Variants in COPB1 observed in about 807,000 individuals in gnomAD.
COPB1 encodes the protein coatomer subunit beta.
COPB1 carries 21 observed loss-of-function variants against 108.7 expected under a neutral mutation model. That is an observed-to-expected ratio of 0.19 (90% CI 0.14 to 0.28). The LOEUF is 0.28. COPB1 is among the 10% of genes least tolerant of loss of function. The pLI, the probability that COPB1 is intolerant of heterozygous loss-of-function variation, is 1.00. For missense variants in COPB1, 919 were observed against 1,141.3 expected (o/e 0.81, Z 2.81); for synonymous variants, 378 against 386.8 (o/e 0.98, Z 0.27).
At chr11:14,477,896 C>CAAA (rs1289045044) in intron 11 of COPB1, among the ~76,000 whole-genome samples, 5 of 59,902 alleles carry the variant, frequency 8.3e-5, no homozygotes, top group African/African-American at 1.3e-4. Flanking sequence ...GACTCCATCT[C>CAAA]AAAAAAAAAA....
At position 14,482,726 on chromosome 11, in the gene COPB1, G is replaced by T. The variant is rs1589963247; in HGVS notation, c.957+306C>A. 2.0e-5 allele frequency among the ~76,000 whole-genome samples: 3 copies of T among 152,248 alleles called. No individual in the cohort carries two copies. The East Asian group carries it at 5.8e-4, about 29-fold the overall frequency. Reference sequence around the variant, plus strand: ...ATTTTTGTTATTTTTAGTATAGACAGGGTTTTACCATGTTGGCCAGGCTGG... The same window carrying T: ...ATTTTTGTTATTTTTAGTATAGACATGGTTTTACCATGTTGGCCAGGCTGG... On this transcript the variant is annotated intron_variant, in intron 8 of 21. Transcript: ENST00000439561.
At chr11:14,482,866 AT>A (rs1850691423) in intron 8 of COPB1, among the ~76,000 whole-genome samples, 165 bp downstream of exon 8, 3 of 152,196 alleles carry the variant, frequency 2.0e-5, no homozygotes, top group Admixed American at 2.0e-4. Flanking sequence ...GGTAAAGATA[AT>A]ACCCCAAAAG....
intron 5 of COPB1, among the ~76,000 whole-genome samples, chr11:14,489,042 C>T (rs1267054927): frequency 2.0e-5 from 3 of 152,152 alleles, no homozygotes; most frequent in Admixed American, 6.5e-5. Flanking sequence ...TGATTACGCC[C>T]CTCAATGTAG....
intron 7 of COPB1, among the ~76,000 whole-genome samples, chr11:14,485,740 C>T (rs1174487220): frequency 6.6e-5 from 10 of 151,990 alleles, no homozygotes; most frequent in Admixed American, 3.3e-4. Flanking sequence ...CCCAGCTACT[C>T]GGGAAGCTGA....
At chr11:14,497,733 C>G (rs1851055912) in intron 2 of COPB1, among the ~76,000 whole-genome samples, 8 of 152,152 alleles carry the variant, frequency 5.3e-5, no homozygotes, top group Admixed American at 5.2e-4. Context: ...AAAGAGATAT[C>G]TGGACTCCTA....
Position 14,479,582 on chromosome 11 carries a change from T to C in COPB1, c.1345A>G (p.Ile449Val). 1 of 1,607,536 alleles carries C rather than the reference T, an allele frequency of 6.2e-7. No homozygotes were observed. The highest frequency in any genetic ancestry group is 8.5e-7 in the Non-Finnish European group (1 of 1,177,956). ...TTTTAAACCTACTTGACAGATTTAA[T>C]AGCATGAAAGACTTCAAGCATCTTC... The part of the protein sequence containing the change: ...VEKMLEVFHA[I>V]KSVKIYRGAL... Residue 449 changes from isoleucine to valine, a missense_variant, in exon 11 of 22, where the codon ATT becomes GTT. Transcript: ENST00000439561.
chr11:14,492,816 A>C (rs189020208), intron 4 of COPB1, among the ~76,000 whole-genome samples: 5 of 152,298 alleles, frequency 3.3e-5, no homozygotes, highest in Non-Finnish European at 5.9e-5. Flanking sequence ...TGAGCATTCT[A>C]GCTTCATCTA....
chr11:14,459,641 A>G (rs1169890283), intron 20 of COPB1, among the ~76,000 whole-genome samples: 2 of 152,134 alleles, frequency 1.3e-5, no homozygotes, highest in Admixed American at 6.5e-5. Flanking sequence ...TTTGAGACAG[A>G]GTTTCACTCT....
chr11:14,468,604 T>C, intron 16 of COPB1, 77 bp downstream of exon 16: 1 of 1,383,984 alleles, frequency 7.2e-7, no homozygotes, highest in Non-Finnish European at 1.0e-6. Context: ...GTTATCTTTC[T>C]TTTAAAAATA....
intron 8 of COPB1, 80 bp from the exon 9 acceptor site, chr11:14,481,177 G>T: frequency 9.9e-7 from 1 of 1,012,584 alleles, no homozygotes; most frequent in Non-Finnish European, 1.5e-6. Context: ...GAATGGTGGG[G>T]TTTATCTATC....
intron 13 of COPB1, 116 bp from the exon 14 acceptor site, chr11:14,474,731 G>C (rs1418611992): frequency 7.1e-7 from 1 of 1,403,378 alleles, no homozygotes; most frequent in South Asian, 1.6e-5. Context: ...TCAGTGATAA[G>C]GATACCTTAG....
chr11:14,472,462 A>G (rs1233361569), intron 14 of COPB1, among the ~76,000 whole-genome samples: 2 of 152,246 alleles, frequency 1.3e-5, no homozygotes, highest in Non-Finnish European at 2.9e-5. Context: ...TAAGAGCCCT[A>G]GGATTTTCAA....
At chr11:14,488,359 T>TA in intron 6 of COPB1, 133 bp downstream of exon 6, 1 of 430,724 alleles carries the variant, frequency 2.3e-6, no homozygotes, top group East Asian at 3.6e-5. Flanking sequence ...ACAAAGGCTT[T>TA]AATAGGCTAT....
At position 14,486,422 on chromosome 11, in the gene COPB1, T is replaced by A; in HGVS notation, c.782A>T (p.Lys261Ile). The A allele has an allele frequency of 6.2e-7, 1 of 1,614,156 alleles. No homozygotes were observed. The highest frequency in any genetic ancestry group is 1.1e-5 in the South Asian group (1 of 91,090). Reference sequence around the variant, plus strand: ...CACTAATGTCCCAGCAGCTTCATATTTTACAGCAGGGCTGGATGACTGTAA... The same window carrying A: ...CACTAATGTCCCAGCAGCTTCATATATTACAGCAGGGCTGGATGACTGTAA... Reference protein sequence around the residue: ...NLLQSSSPAVKYEAAGTLVTL... With the variant: ...NLLQSSSPAVIYEAAGTLVTL... Residue 261 changes from lysine (K) to isoleucine (I), a missense_variant, in exon 7 of 22, where the codon AAA (lysine) becomes ATA (isoleucine). Transcript: ENST00000439561.
At chr11:14,476,611 A>T (rs1344392370) in intron 12 of COPB1, among the ~76,000 whole-genome samples, 2 of 152,186 alleles carry the variant, frequency 1.3e-5, no homozygotes, top group East Asian at 3.9e-4. Flanking sequence ...TCTCCTGATA[A>T]TTAGTCCACT....
In COPB1 at chr11:14,469,328, T is replaced by G; in HGVS notation, c.1965+8A>C. 5.0e-6 allele frequency: 8 copies of G among 1,609,726 alleles called. No homozygotes were observed. Among genetic ancestry groups the G allele is most frequent in the Non-Finnish European group, 6.8e-6 (8 of 1,176,154 alleles). On this transcript the variant is annotated splice_region_variant and intron_variant, in intron 15 of 21. Transcript: ENST00000439561. ...AACACTTTTGTTGCCTCATCATATA[T>G]ACCTTACCTTTTGGGATAATTTCTC... is the stretch of plus-strand genomic sequence containing the variant.
intron 14 of COPB1, 37 bp from the exon 15 acceptor site, chr11:14,469,600 T>G: frequency 6.5e-7 from 1 of 1,527,376 alleles, no homozygotes; most frequent in East Asian, 2.3e-5. Context: ...GATATTGTCT[T>G]GATTCTCAGA....
Position 14,483,052 on chromosome 11 carries a change from C to G in COPB1, c.937G>C (p.Ala313Pro). 1 of 1,574,530 alleles carries G rather than the reference C, an allele frequency of 6.4e-7. No homozygotes were observed. Among genetic ancestry groups the G allele is most frequent in the Non-Finnish European group, 8.7e-7 (1 of 1,150,742 alleles). The stretch of plus-strand genomic sequence containing the variant: ...CTTACCTGTAGTACTCGTTCATGAG[C>G]AGGATGCTCTTTTAATTCTATCAAG... ...DRLIELKEHP[A>P]HERVLQDLVM... Residue 313 changes from alanine to proline, a missense_variant, in exon 8 of 22, where the codon GCT becomes CCT. Around this residue, in one of 5 missense-constraint regions of COPB1, gnomAD observed 705 missense variants for 817.8 expected, o/e 0.86. Transcript: ENST00000439561.
intron 7 of COPB1, among the ~76,000 whole-genome samples, chr11:14,485,612 C>T (rs993306152): frequency 5.3e-5 from 8 of 152,106 alleles, no homozygotes; most frequent in East Asian, 1.9e-4. Flanking sequence ...TTTGGGAAGC[C>T]GAGGTTAGCG....
Sources: gnomAD v4.1 joint callset for allele counts (sites outside exome capture counted in the v4.1 genomes callset) on GRCh38, gnomAD v4.1.1 for gene constraint, gnomAD v4.1.1 regional missense constraint, MANE v1.5 for transcripts, NCBI Gene and HGNC (gene_info 2026-07-23, HGNC 2026-07-21) for gene names.